Variants in CTNND2 observed in about 807,000 individuals in gnomAD.
CTNND2 encodes the protein catenin delta-2.
Under a neutral mutation model 144.4 loss-of-function variants are expected in CTNND2, and 22 were observed. That is an observed-to-expected ratio of 0.15 (90% confidence interval 0.11 to 0.22). The LOEUF is 0.22. Ranked by LOEUF, CTNND2 falls within the 10% of genes least tolerant of loss-of-function variation. The probability of loss-of-function intolerance (pLI) is 1.00; values close to 1 mark genes in which losing one functional copy is unlikely to be tolerated. For missense variants in CTNND2, 1,353 were observed against 1,618.8 expected (o/e 0.84, Z 2.82); for synonymous variants, 751 against 695.6 (o/e 1.08, Z -1.25).
intron 3 of CTNND2, among the ~76,000 whole-genome samples, chr5:11,547,309 A>C (rs951142780): frequency 8.6e-6 from 1 of 116,724 alleles, no homozygotes; most frequent in African/African-American, 2.8e-5. Context: ...ATAAATAAAT[A>C]AATAAATAAA....
intron 16 of CTNND2, among the ~76,000 whole-genome samples, chr5:11,049,464 A>AGAAACCTAATGAAT (rs1316105134): frequency 1.3e-5 from 2 of 152,344 alleles, no homozygotes; most frequent in East Asian, 3.9e-4. Context: ...ACCTAATGAA[A>AGAAACCTAATGAAT]GAAACCTAAT....
chr5:11,134,762 ACTTTTCTTGCTTTACTACTACCAGATGG>A (rs1244176282), intron 12 of CTNND2, among the ~76,000 whole-genome samples: 1 of 152,218 alleles, frequency 6.6e-6, no homozygotes, highest in Non-Finnish European at 1.5e-5. Flanking sequence ...CCTAAGAATG[ACTTTTCTTGCTTTACTACTACCAGATGG>A]CTTGCACACA....
intron 3 of CTNND2, among the ~76,000 whole-genome samples, chr5:11,539,277 G>A (rs1222546020): frequency 6.6e-6 from 1 of 152,134 alleles, no homozygotes; most frequent in Admixed American, 6.5e-5. Flanking sequence ...TGAATTCCGG[G>A]TGACTGACGC....
intron 1 of CTNND2, among the ~76,000 whole-genome samples, chr5:11,783,674 C>G (rs1790677883): frequency 6.6e-6 from 1 of 152,164 alleles, no homozygotes; most frequent in African/African-American, 2.4e-5. Flanking sequence ...ATGAGCAAGT[C>G]TGCAGTATGC....
rs185676364 is a variant in CTNND2 at position 11,427,962 on chromosome 5, C to T, written c.288-15893G>A. 1.8e-3 allele frequency among the ~76,000 whole-genome samples: 269 copies of T among 152,126 alleles called. 2 individuals carry two copies. Among genetic ancestry groups the T allele is most frequent in the African/African-American group, 5.8e-3 (242 of 41,506 alleles). On this transcript the variant is annotated intron_variant, in intron 3 of 21. Coordinates refer to ENST00000304623, the MANE Select transcript of CTNND2 (RefSeq NM_001332.4). The stretch of plus-strand genomic sequence containing the variant: ...GAGGCCTCAGAATCATGGGGGGAGG[C>T]GAAAGGCACTTCTTACATGGTGACA...
intron 3 of CTNND2, among the ~76,000 whole-genome samples, chr5:11,422,027 C>T (rs907007233): frequency 4.6e-5 from 7 of 152,232 alleles, no homozygotes; most frequent in East Asian, 1.9e-4. Context: ...GCACTCCAGC[C>T]GCCCAACAAA....
chr5:11,000,382 G>A (rs1255057220), intron 18 of CTNND2, among the ~76,000 whole-genome samples: 1 of 152,166 alleles, frequency 6.6e-6, no homozygotes, highest in East Asian at 1.9e-4. Context: ...TTAGCTGGGC[G>A]TCGTGGTGGG....
intron 1 of CTNND2, among the ~76,000 whole-genome samples, chr5:11,820,627 T>C (rs1002825978): frequency 1.3e-5 from 2 of 152,224 alleles, no homozygotes. Flanking sequence ...AGATTTCCTT[T>C]ATGATAATTT....
intron 11 of CTNND2, among the ~76,000 whole-genome samples, chr5:11,176,971 G>T (rs1230507936): frequency 2.0e-5 from 3 of 152,116 alleles, no homozygotes; most frequent in Non-Finnish European, 2.9e-5. Flanking sequence ...TGTAGGATTT[G>T]CTGACTTGTT....
At chr5:11,651,883 TA>T (rs1782662286) in intron 2 of CTNND2, among the ~76,000 whole-genome samples, 4 of 152,308 alleles carry the variant, frequency 2.6e-5, no homozygotes, top group South Asian at 4.2e-4. Context: ...TTATTTTATT[TA>T]TTTTTTTTAT....
intron 2 of CTNND2, among the ~76,000 whole-genome samples, chr5:11,638,312 T>G (rs1371506308): frequency 6.6e-6 from 1 of 152,192 alleles, no homozygotes; most frequent in Non-Finnish European, 1.5e-5. Context: ...GGTATCTTAT[T>G]CTATGTTTGC....
intron 12 of CTNND2, among the ~76,000 whole-genome samples, chr5:11,129,115 TATATATAATATATATTTA>T (rs1755172699): frequency 5.4e-5 from 1 of 18,540 alleles, no homozygotes; most frequent in African/African-American, 2.7e-4. Flanking sequence ...ATATATATAT[TATATATAATATATATTTA>T]TATATATTAT....
intron 1 of CTNND2, among the ~76,000 whole-genome samples, chr5:11,854,594 A>C (rs567640378): frequency 6.6e-6 from 1 of 152,358 alleles, no homozygotes; most frequent in East Asian, 1.9e-4. Context: ...ACACTTGTTG[A>C]GTAAGTGAAT....
intron 2 of CTNND2, among the ~76,000 whole-genome samples, chr5:11,677,643 G>A (rs914859886): frequency 2.0e-5 from 3 of 152,064 alleles, no homozygotes; most frequent in South Asian, 2.1e-4. Context: ...AACAACACAC[G>A]GTTATGAAAC....
chr5:11,269,001 T>TC (rs1745735525), intron 9 of CTNND2, among the ~76,000 whole-genome samples: 1 of 152,200 alleles, frequency 6.6e-6, no homozygotes, highest in African/African-American at 2.4e-5. Context: ...CTCACTCTGT[T>TC]CCTTTTACCG....
At position 11,098,888 on chromosome 5, in the gene CTNND2, A is replaced by C. The variant is rs1580279910; in HGVS notation, c.2464-140T>G. 13 of 713,058 alleles carry C rather than the reference A, an allele frequency of 1.8e-5. No individual in the cohort carries two copies. The South Asian group carries it at 2.4e-4, about 13-fold the overall frequency. 44.2% of individuals were successfully genotyped at this position (713,058 alleles called of 1,614,324 possible). A position where few individuals can be genotyped will look rare whatever the true frequency, so the allele number is the denominator to read the frequency against. ...ACATAGACTGCACGGAGGCTATTGC[A>C]TCAGCAGTCCAGGGATCACTAAAAG... On this transcript the variant is annotated intron_variant, in intron 14 of 21. Transcript: ENST00000304623.
chr5:11,610,300 C>A (rs772491505), intron 2 of CTNND2, among the ~76,000 whole-genome samples: 7 of 152,180 alleles, frequency 4.6e-5, no homozygotes, highest in Non-Finnish European at 7.4e-5. Flanking sequence ...AGCTTCATCT[C>A]GCCTCATACA....
chr5:11,325,697 C>T (rs79021896), intron 9 of CTNND2, among the ~76,000 whole-genome samples: 1 of 152,014 alleles, frequency 6.6e-6, no homozygotes, highest in Non-Finnish European at 1.5e-5. Flanking sequence ...CCTCATTATA[C>T]CCCCTCCCTA....
intron 10 of CTNND2, among the ~76,000 whole-genome samples, chr5:11,205,196 G>A (rs958317245): frequency 6.6e-6 from 1 of 151,976 alleles, no homozygotes; most frequent in Admixed American, 6.6e-5. Context: ...TATATGTATA[G>A]CATATCATAT....
Sources: gnomAD v4.1 joint callset for allele counts (sites outside exome capture counted in the v4.1 genomes callset) on GRCh38, gnomAD v4.1.1 for gene constraint, MANE v1.5 for transcripts, NCBI Gene and HGNC (gene_info 2026-07-23, HGNC 2026-07-21) for gene names.